PSME3IP1: variants seen among roughly 807,000 people sequenced by gnomAD.
The protein encoded by PSME3IP1 is proteasome activator subunit 3 interacting protein 1, also known as PSME3-interacting protein.
PSME3IP1 carries 13 observed loss-of-function variants against 34.1 expected under a neutral mutation model. The observed-to-expected ratio is 0.38, with a 90% CI of 0.25 to 0.61. The LOEUF is 0.61. Among genes scored for constraint, PSME3IP1 ranks in the 20% least tolerant of loss-of-function variants. The pLI is 0.60. For missense variants in PSME3IP1, 237 were observed against 301.4 expected (o/e 0.79, Z 1.58); for synonymous variants, 93 against 114.3 (o/e 0.81, Z 1.19).
rs8054311 is a variant in PSME3IP1 at position 57,178,855 on chromosome 16, G to C, written c.-15-4986C>G. The C allele has an allele frequency of 5.1e-3, 4,948 of 971,748 alleles. 188 individuals carry two copies. In the African/African-American group the frequency reaches 0.075, roughly 15 times the overall value. The allele number at this position is 971,748 out of a possible 1,614,324, so 60.2% of individuals were successfully genotyped here. ...GAAGAGTCCAATGGCTGTTTATTCTGCAAGAAAGAGGTGATAAGTACCTGT... is the reference window on the plus strand; with the variant it reads ...GAAGAGTCCAATGGCTGTTTATTCTCCAAGAAAGAGGTGATAAGTACCTGT... On this transcript the variant is annotated intron_variant, in intron 1 of 6. Transcript: ENST00000309137.
At chr16:57,174,337 G>T (rs1597725108) in intron 1 of PSME3IP1, 8 of 556,168 alleles carry the variant, frequency 1.4e-5, no homozygotes, top group South Asian at 7.8e-5. Context: ...ATAGGCCATT[G>T]ATGAAAGCAC....
At chr16:57,182,636 G>A (rs1388897730) in intron 1 of PSME3IP1, among the ~76,000 whole-genome samples, 3 of 122,742 alleles carry the variant, frequency 2.4e-5, no homozygotes, top group African/African-American at 1.0e-4. Context: ...TTTTTTTGGC[G>A]CAGTGGCTCA....
chr16:57,184,365 A>T (rs2073978338), intron 1 of PSME3IP1, among the ~76,000 whole-genome samples: 1 of 152,254 alleles, frequency 6.6e-6, no homozygotes. Flanking sequence ...TACCAAACAA[A>T]TTGAACAAAA....
Position 57,154,534 on chromosome 16 carries a change from C to T in PSME3IP1, c.548-27G>A. ...TGCAATAAAAGGGGAAAGACTGTCA[C>T]TTCATCACCCTTTTCCAAAGTTGGG... is the stretch of plus-strand genomic sequence containing the variant. On this transcript the variant is annotated intron_variant, in intron 6 of 6. Coordinates refer to ENST00000309137, the MANE Select transcript of PSME3IP1 (RefSeq NM_024946.4). This position sits in a 1 kb window ranked among gnomAD's most constrained non-coding sequence, Gnocchi z 4.0. 6.5e-7 allele frequency: 1 copy of T among 1,548,284 alleles called. No homozygotes were observed. Among genetic ancestry groups the T allele is most frequent in the Non-Finnish European group, 8.7e-7 (1 of 1,143,644 alleles).
intron 5 of PSME3IP1, among the ~76,000 whole-genome samples, chr16:57,165,780 A>G (rs1408940592): frequency 6.6e-6 from 1 of 152,174 alleles, no homozygotes; most frequent in Non-Finnish European, 1.5e-5. Context: ...TTGTTTCAAA[A>G]CCCAAAAGGG....
intron 2 of PSME3IP1, among the ~76,000 whole-genome samples, chr16:57,173,306 G>A (rs1411506751): frequency 4.6e-5 from 7 of 152,140 alleles, no homozygotes; most frequent in Admixed American, 1.3e-4. Context: ...AGGTGACTTC[G>A]CCCCTGAGTC....
At chr16:57,185,412 T>C in intron 1 of PSME3IP1, 1 of 711,214 alleles carries the variant, frequency 1.4e-6, no homozygotes, top group Non-Finnish European at 1.7e-6. Context: ...TAAATGTGCT[T>C]CCCATCCTGC....
chr16:57,154,161 G>A lies in PSME3IP1; in HGVS notation c.*129C>T. ...TCTGGCACATTTTTAGATTGGATTG[G>A]TTAAAAATGTCATGTTGTACACAGG... On this transcript the variant is annotated 3_prime_UTR_variant, in exon 7 of 7. Coordinates refer to ENST00000309137, the MANE Select transcript of PSME3IP1 (RefSeq NM_024946.4). The surrounding 1 kb of genome is among the most constrained non-coding windows in gnomAD (Gnocchi z 4.0). 1 of 748,388 alleles carries A rather than the reference G, an allele frequency of 1.3e-6. No homozygotes were observed. 46.4% of individuals were successfully genotyped at this position (748,388 alleles called of 1,614,324 possible). A position where few individuals can be genotyped will look rare whatever the true frequency, so the allele number is the denominator to read the frequency against.
At chr16:57,164,102 A>G in intron 5 of PSME3IP1, 37 bp from the exon 6 acceptor site, 2 of 1,591,100 alleles carry the variant, frequency 1.3e-6, no homozygotes, top group African/African-American at 1.3e-5. Context: ...GCCATGTCCA[A>G]TCTTGTGGAT....
intron 3 of PSME3IP1, 90 bp from the exon 4 acceptor site, chr16:57,172,462 T>C: frequency 7.3e-7 from 1 of 1,368,486 alleles, no homozygotes; most frequent in African/African-American, 1.5e-5. Flanking sequence ...CAGCAGATTC[T>C]TCAGGGGATT....
chr16:57,174,632 C>G (rs1326860271), intron 1 of PSME3IP1: 1 of 985,272 alleles, frequency 1.0e-6, no homozygotes, highest in Non-Finnish European at 1.2e-6. Flanking sequence ...GCTCTTGCCT[C>G]CAAGTAGATT....
chr16:57,155,101 C>A (rs1255646619), intron 6 of PSME3IP1, among the ~76,000 whole-genome samples: 7 of 152,230 alleles, frequency 4.6e-5, no homozygotes, highest in Admixed American at 4.6e-4. Context: ...GAATAACGTT[C>A]TTTATTAAGA....
chr16:57,155,215 T>C lies in PSME3IP1; in HGVS notation c.548-708A>G, dbSNP rs1455091893. 2.0e-5 allele frequency among the ~76,000 whole-genome samples: 3 copies of C among 152,218 alleles called. No homozygotes were observed. The East Asian group carries it at 5.8e-4, about 29-fold the overall frequency. ...TTTTACAAATGAGAAAACTGAAGCC[T>C]GTCAGGTAACATTTTAAGGCCATGC... On this transcript the variant is annotated intron_variant, in intron 6 of 6. Coordinates refer to ENST00000309137, the MANE Select transcript of PSME3IP1 (RefSeq NM_024946.4).
chr16:57,173,064 G>A (rs1431359071), intron 2 of PSME3IP1, among the ~76,000 whole-genome samples, 190 bp from the exon 3 acceptor site: 1 of 152,232 alleles, frequency 6.6e-6, no homozygotes, highest in Non-Finnish European at 1.5e-5. Context: ...GGGGCCACCA[G>A]TTCTCAAAGC....
intron 4 of PSME3IP1, among the ~76,000 whole-genome samples, chr16:57,169,931 GT>G (rs2072360263): frequency 1.3e-5 from 2 of 151,992 alleles, no homozygotes; most frequent in African/African-American, 4.8e-5. Context: ...TGAGATTGAG[GT>G]ATAACTTCCC....
chr16:57,186,112 C>T (rs1425478811), upstream of PSME3IP1: 6 of 985,522 alleles, frequency 6.1e-6, no homozygotes, highest in East Asian at 1.1e-4. Context: ...CGATGGAAAT[C>T]CGGTACCCTG....
Position 57,154,001 on chromosome 16 carries a change from G to A in PSME3IP1, c.*289C>T. On this transcript the variant is annotated 3_prime_UTR_variant, in exon 7 of 7. Coordinates refer to ENST00000309137, the MANE Select transcript of PSME3IP1 (RefSeq NM_024946.4). This position sits in a 1 kb window ranked among gnomAD's most constrained non-coding sequence, Gnocchi z 4.0. ...AAGCCAGCCGGTGCCTATTCTCCTGGGGCATTTTTAGTGGAACTTCGGCTG... is the reference window on the plus strand; with the variant it reads ...AAGCCAGCCGGTGCCTATTCTCCTGAGGCATTTTTAGTGGAACTTCGGCTG... The A allele has an allele frequency of 2.6e-6, 1 of 385,762 alleles. No individual in the cohort carries two copies. Among genetic ancestry groups the A allele is most frequent in the South Asian group, 4.0e-5 (1 of 25,102 alleles). 23.9% of individuals were successfully genotyped at this position (385,762 alleles called of 1,614,324 possible). A position where few individuals can be genotyped will look rare whatever the true frequency, so the allele number is the denominator to read the frequency against.
At chr16:57,168,364 T>G (rs1464119043) in intron 4 of PSME3IP1, among the ~76,000 whole-genome samples, 2 of 152,220 alleles carry the variant, frequency 1.3e-5, no homozygotes, top group African/African-American at 4.8e-5. Flanking sequence ...CTAACTCTGT[T>G]CTTATGGGCA....
At chr16:57,175,152 C>CT (rs1323589096) in intron 1 of PSME3IP1, among the ~76,000 whole-genome samples, 1 of 151,932 alleles carries the variant, frequency 6.6e-6, no homozygotes, top group Non-Finnish European at 1.5e-5. Flanking sequence ...CTAGCTGGGA[C>CT]TACAGGCGTG....
Sources: gnomAD v4.1 joint callset for allele counts (sites outside exome capture counted in the v4.1 genomes callset) on GRCh38, gnomAD v4.1.1 for gene constraint, Gnocchi (gnomAD v3.1) non-coding constraint, MANE v1.5 for transcripts, NCBI Gene and HGNC (gene_info 2026-07-23, HGNC 2026-07-21) for gene names.